Variants in TRPM6 observed in about 807,000 individuals in gnomAD.
TRPM6 encodes channel kinase 2.
TRPM6 carries 111 observed loss-of-function variants against 247.6 expected under a neutral mutation model. That is an observed-to-expected ratio of 0.45 (90% CI 0.38 to 0.52). The LOEUF is 0.52. Ranked by LOEUF, TRPM6 falls within the 20% of genes least tolerant of loss-of-function variation. The probability of loss-of-function intolerance (pLI) is 0.00; values close to 1 mark genes in which losing one functional copy is unlikely to be tolerated. For missense variants in TRPM6, 2,126 were observed against 2,421.5 expected (o/e 0.88, Z 2.56); for synonymous variants, 892 against 853.8 (o/e 1.04, Z -0.78).
intron 1 of TRPM6, among the ~76,000 whole-genome samples, chr9:74,885,807 C>T (rs961542044): frequency 3.9e-5 from 6 of 152,116 alleles, no homozygotes; most frequent in Admixed American, 2.6e-4. Context: ...GGCACAGTGG[C>T]TCAGGCCTGT....
At chr9:74,872,621 T>TGTGC (rs1554737886) in intron 1 of TRPM6, among the ~76,000 whole-genome samples, 2 of 151,892 alleles carry the variant, frequency 1.3e-5, no homozygotes, top group African/African-American at 4.8e-5. Context: ...TGTGTGTGTG[T>TGTGC]GTGCATGCGC....
At chr9:74,840,825 T>C (rs533186870) in intron 4 of TRPM6, among the ~76,000 whole-genome samples, 38 of 107,860 alleles carry the variant, frequency 3.5e-4, no homozygotes, top group Non-Finnish European at 5.5e-4. Flanking sequence ...CAGGACTCTG[T>C]CTCAAAAAAA....
At chr9:74,742,846 T>A (rs1032017245) in intron 32 of TRPM6, among the ~76,000 whole-genome samples, 19 of 152,322 alleles carry the variant, frequency 1.2e-4, no homozygotes, top group African/African-American at 4.3e-4. Flanking sequence ...TGAGATTATG[T>A]CACATGGTCT....
chr9:74,793,214 G>C (rs902201483), intron 18 of TRPM6, among the ~76,000 whole-genome samples: 3 of 152,172 alleles, frequency 2.0e-5, no homozygotes, highest in South Asian at 2.1e-4. Context: ...TTTGAAGGGA[G>C]AGAAAACTGC....
At chr9:74,801,301 A>G (rs537424643) in intron 16 of TRPM6, among the ~76,000 whole-genome samples, 299 of 126,682 alleles carry the variant, frequency 2.4e-3, no homozygotes, top group African/African-American at 8.6e-3. Context: ...CTCTGTCGCC[A>G]GGCTGGAGTG....
At chr9:74,880,546 C>T (rs183697826) in intron 1 of TRPM6, among the ~76,000 whole-genome samples, 18 of 150,656 alleles carry the variant, frequency 1.2e-4, no homozygotes, top group African/African-American at 3.9e-4. Flanking sequence ...TTCAAAATAC[C>T]GAAAAAAAAA....
chr9:74,822,413 CT>C lies in TRPM6; in HGVS notation c.842-577del, dbSNP rs35298362. Reference sequence around the variant, plus strand: ...CACAGGTATGTACCACCACACCTAGCTTTTTTTTTTTTTCAGTTATTTGTAG... The same window carrying C: ...CACAGGTATGTACCACCACACCTAGCTTTTTTTTTTTTCAGTTATTTGTAG... On this transcript the variant is annotated intron_variant, in intron 7 of 38. Coordinates refer to ENST00000360774, the MANE Select transcript of TRPM6 (RefSeq NM_017662.5). Among the ~76,000 whole-genome samples the C allele has an allele frequency of 6.8e-4, 98 of 143,646 alleles. 1 individual carries two copies. The highest frequency in any genetic ancestry group is 1.7e-3 in the African/African-American group (68 of 39,190). The allele number at this position is 143,646 out of a possible 152,430, so 94.2% of individuals were successfully genotyped here.
chr9:74,850,048 G>A (rs1454387041), intron 3 of TRPM6, among the ~76,000 whole-genome samples: 1 of 152,250 alleles, frequency 6.6e-6, no homozygotes, highest in African/African-American at 2.4e-5. Context: ...AGGGGAAACA[G>A]AAGTGTCTAC....
intron 1 of TRPM6, among the ~76,000 whole-genome samples, chr9:74,874,898 G>A (rs1831144659): frequency 1.3e-5 from 2 of 151,594 alleles, no homozygotes; most frequent in South Asian, 2.1e-4. Context: ...TGGGATTACA[G>A]GCATGCACCA....
chr9:74,863,705 C>T (rs1830757713), intron 1 of TRPM6, among the ~76,000 whole-genome samples: 1 of 152,104 alleles, frequency 6.6e-6, no homozygotes, highest in Admixed American at 6.5e-5. Context: ...GCCTCAGCCT[C>T]CTGAGTAGCT....
chr9:74,818,806 A>G (rs556940408), intron 9 of TRPM6, among the ~76,000 whole-genome samples: 37 of 152,146 alleles, frequency 2.4e-4, no homozygotes, highest in African/African-American at 8.4e-4. Context: ...CTAAAACCCC[A>G]AAGAGTTTTC....
chr9:74,750,520 C>G, intron 30 of TRPM6, 144 bp downstream of exon 30: 1 of 764,412 alleles, frequency 1.3e-6, no homozygotes, highest in Non-Finnish European at 2.2e-6. Flanking sequence ...AAATCATTTT[C>G]ATTCTGCTAA....
At chr9:74,818,379 C>T (rs188304805) in intron 9 of TRPM6, among the ~76,000 whole-genome samples, 66 of 146,328 alleles carry the variant, frequency 4.5e-4, no homozygotes, top group African/African-American at 1.6e-3. Context: ...TTCGGCTCAC[C>T]GCAACCTCTG....
At chr9:74,747,020 T>C (rs1000284533) in intron 31 of TRPM6, among the ~76,000 whole-genome samples, 17 of 151,752 alleles carry the variant, frequency 1.1e-4, no homozygotes, top group African/African-American at 3.9e-4. Context: ...CAAGGAAACA[T>C]AGAAAAGAGA....
chr9:74,779,408 T>C (rs762263992), intron 23 of TRPM6, among the ~76,000 whole-genome samples: 3 of 152,244 alleles, frequency 2.0e-5, no homozygotes, highest in Non-Finnish European at 4.4e-5. Flanking sequence ...ATGACTATCA[T>C]ATAACCAGCA....
intron 30 of TRPM6, 66 bp downstream of exon 30, chr9:74,750,598 G>T: frequency 1.5e-6 from 2 of 1,366,202 alleles, no homozygotes; most frequent in Non-Finnish European, 2.1e-6. Context: ...TTAAACCTTT[G>T]CTCCTAACCA....
intron 17 of TRPM6, 30 bp downstream of exon 17, chr9:74,800,224 A>G (rs1443515447): frequency 6.3e-7 from 1 of 1,591,170 alleles, no homozygotes; most frequent in East Asian, 2.2e-5. Flanking sequence ...ACTAACATTA[A>G]ACTCCATAAG....
intron 28 of TRPM6, among the ~76,000 whole-genome samples, chr9:74,753,110 CAA>C (rs35980332): frequency 3.0e-4 from 31 of 104,172 alleles, no homozygotes; most frequent in African/African-American, 7.5e-4. Flanking sequence ...GAGACTGTCT[CAA>C]AAAAAAAAAA....
chr9:74,748,619 A>G (rs866363548), intron 30 of TRPM6, among the ~76,000 whole-genome samples: 1 of 152,236 alleles, frequency 6.6e-6, no homozygotes, highest in African/African-American at 2.4e-5. Flanking sequence ...AAATAAATAA[A>G]TAATTTAAAA....
Sources: allele counts gnomAD v4.1 joint callset (sites outside exome capture counted in the v4.1 genomes callset), GRCh38; gene constraint gnomAD v4.1.1; transcripts MANE v1.5; gene names NCBI Gene and HGNC (gene_info 2026-07-23, HGNC 2026-07-21).